The following CTNNA2 variants were observed in gnomAD, a reference collection of about 807,000 sequenced individuals.
CTNNA2 encodes catenin alpha 2.
A neutral mutation model predicts 101.0 loss-of-function variants in CTNNA2; 42 were observed. That is an observed-to-expected ratio of 0.42 (90% confidence interval 0.32 to 0.54). The LOEUF is 0.54. Among genes scored for constraint, CTNNA2 ranks in the 20% least tolerant of loss-of-function variants. CTNNA2 has a pLI of 0.14. For synonymous variants in CTNNA2, 450 were observed against 456.4 expected (o/e 0.99, Z 0.18); for missense variants, 871 against 1,223.1 (o/e 0.71, Z 4.29).
intron 7 of CTNNA2, among the ~76,000 whole-genome samples, chr2:80,119,507 T>G (rs533937353): frequency 6.6e-6 from 1 of 152,330 alleles, no homozygotes; most frequent in African/African-American, 2.4e-5. Flanking sequence ...TTAGTTTTGA[T>G]ATGTTCATGT....
chr2:80,116,313 G>GTGTT (rs1558823592), intron 7 of CTNNA2, among the ~76,000 whole-genome samples: 2 of 149,330 alleles, frequency 1.3e-5, no homozygotes, highest in Non-Finnish European at 3.0e-5. Context: ...AGGTTCATGT[G>GTGTT]TGTTACAGGG....
chr2:80,019,886 A>G (rs746952305), intron 7 of CTNNA2, among the ~76,000 whole-genome samples: 1 of 152,212 alleles, frequency 6.6e-6, no homozygotes, highest in African/African-American at 2.4e-5. Flanking sequence ...GAGTAACTAT[A>G]GTCTCTGTAC....
intron 2 of CTNNA2, among the ~76,000 whole-genome samples, chr2:79,303,290 T>C (rs938332799): frequency 2.0e-5 from 3 of 152,176 alleles, no homozygotes; most frequent in Non-Finnish European, 4.4e-5. Context: ...AGAAAAGCAC[T>C]ACATCACGCT....
At chr2:80,244,182 G>A (rs1381489061) in intron 7 of CTNNA2, among the ~76,000 whole-genome samples, 2 of 152,186 alleles carry the variant, frequency 1.3e-5, no homozygotes, top group East Asian at 3.8e-4. Context: ...ATAAATTAAT[G>A]TGGATCAAAA....
chr2:79,661,523 A>T, intron 2 of CTNNA2, among the ~76,000 whole-genome samples: 1 of 152,228 alleles, frequency 6.6e-6, no homozygotes, highest in East Asian at 1.9e-4. Context: ...CCCCCACAAG[A>T]TACTAAGGCC....
At chr2:80,485,690 A>G (rs1413052837) in intron 9 of CTNNA2, among the ~76,000 whole-genome samples, 1 of 152,228 alleles carries the variant, frequency 6.6e-6, no homozygotes, top group Non-Finnish European at 1.5e-5. Context: ...TTCCTTAACC[A>G]GTGAACTGAA....
chr2:79,902,633 T>TC (rs1455780363), intron 6 of CTNNA2, among the ~76,000 whole-genome samples: 1 of 151,480 alleles, frequency 6.6e-6, no homozygotes, highest in African/African-American at 2.4e-5. Flanking sequence ...CCTCTTCTTT[T>TC]TTTTTTTTTT....
chr2:80,418,445 T>C (rs1225447344), intron 8 of CTNNA2, among the ~76,000 whole-genome samples: 1 of 152,208 alleles, frequency 6.6e-6, no homozygotes, highest in Admixed American at 6.5e-5. Flanking sequence ...ACATAGACTT[T>C]ATTACATTTT....
intron 7 of CTNNA2, among the ~76,000 whole-genome samples, chr2:80,136,628 T>A (rs1702713672): frequency 6.6e-6 from 1 of 152,302 alleles, no homozygotes; most frequent in African/African-American, 2.4e-5. Context: ...TTTCATCTTT[T>A]GTATGTTATT....
intron 7 of CTNNA2, among the ~76,000 whole-genome samples, chr2:80,043,140 TCC>T (rs1696272191): frequency 1.6e-5 from 1 of 60,946 alleles, no homozygotes; most frequent in African/African-American, 9.0e-5. Flanking sequence ...CTTCCTTCCT[TCC>T]TTCCTTCCTT....
intron 7 of CTNNA2, among the ~76,000 whole-genome samples, chr2:80,053,480 T>A (rs1697010097): frequency 6.6e-6 from 1 of 152,220 alleles, no homozygotes; most frequent in Non-Finnish European, 1.5e-5. Context: ...TGTTACGTGG[T>A]GTAATTAGGA....
intron 4 of CTNNA2, among the ~76,000 whole-genome samples, chr2:79,475,462 C>A (rs1671040870): frequency 6.6e-6 from 1 of 151,992 alleles, no homozygotes; most frequent in African/African-American, 2.4e-5. Flanking sequence ...TGAACGTTCA[C>A]AAAGTGCTAG....
At chr2:80,335,899 A>G (rs537874183) in intron 7 of CTNNA2, among the ~76,000 whole-genome samples, 9 of 152,322 alleles carry the variant, frequency 5.9e-5, no homozygotes, top group African/African-American at 2.2e-4. Flanking sequence ...AGAAAAGTTA[A>G]GAGTTGACCA....
Position 79,233,752 on chromosome 2 carries a change from G to A in CTNNA2, c.-406+35676G>A, listed in dbSNP as rs146243268. On this transcript the variant is annotated intron_variant, in intron 2 of 21. Transcript: ENST00000466387. ...TCCTATGTTGAGCATAAACATATAT[G>A]TTTAAGATGTTAAACCTTCTTATTG... Among the ~76,000 whole-genome samples, 423 of 152,074 alleles carry A rather than the reference G, an allele frequency of 2.8e-3. 1 individual carries two copies. The highest frequency in any genetic ancestry group is 9.9e-3 in the African/African-American group (410 of 41,488).
intron 3 of CTNNA2, among the ~76,000 whole-genome samples, chr2:79,368,459 C>T (rs1677798089): frequency 3.3e-5 from 5 of 152,174 alleles, no homozygotes; most frequent in Admixed American, 3.3e-4. Context: ...ATCTTCCCGG[C>T]ATTTCACCAT....
intron 7 of CTNNA2, among the ~76,000 whole-genome samples, chr2:80,010,807 A>C (rs1693725120): frequency 6.6e-6 from 1 of 152,126 alleles, no homozygotes; most frequent in African/African-American, 2.4e-5. Flanking sequence ...TCTTTTGGAA[A>C]AATAGTGGGA....
chr2:80,417,217 GATTAA>G (rs1680120677), intron 8 of CTNNA2, among the ~76,000 whole-genome samples: 1 of 151,052 alleles, frequency 6.6e-6, no homozygotes, highest in Non-Finnish European at 1.5e-5. Context: ...TATTATGAAT[GATTAA>G]ATTAAGATAA....
intron 1 of CTNNA2, among the ~76,000 whole-genome samples, chr2:79,618,925 G>A (rs1678817617): frequency 1.3e-5 from 2 of 152,236 alleles, no homozygotes; most frequent in Admixed American, 1.3e-4. Flanking sequence ...TGGTGCCCAG[G>A]TTGGGTGTGG....
At chr2:79,508,955 GTATATA>G (rs530470576), upstream of CTNNA2, among the ~76,000 whole-genome samples, 38 of 90,860 alleles carry the variant, frequency 4.2e-4, no homozygotes, top group Admixed American at 1.2e-3. Context: ...CACCATTGCA[GTATATA>G]TATATATATA....
Sources: allele counts gnomAD v4.1 joint callset (sites outside exome capture counted in the v4.1 genomes callset), GRCh38; gene constraint gnomAD v4.1.1; transcripts MANE v1.5; gene names NCBI Gene and HGNC (gene_info 2026-07-23, HGNC 2026-07-21).